The following CTNNA2 variants were observed in gnomAD, a reference collection of about 807,000 sequenced individuals.
CTNNA2 encodes the protein catenin alpha 2.
A neutral mutation model predicts 101.0 loss-of-function variants in CTNNA2; 42 were observed. The observed-to-expected ratio is 0.42, with a 90% CI of 0.32 to 0.54. CTNNA2 has a LOEUF of 0.54. CTNNA2 is among the 20% of genes least tolerant of loss of function. The pLI is 0.14. For synonymous variants in CTNNA2, 450 were observed against 456.4 expected (o/e 0.99, Z 0.18); for missense variants, 871 against 1,223.1 (o/e 0.71, Z 4.29).
At chr2:80,419,203 C>T (rs1336510015) in intron 8 of CTNNA2, among the ~76,000 whole-genome samples, 1 of 152,084 alleles carries the variant, frequency 6.6e-6, no homozygotes, top group Non-Finnish European at 1.5e-5. Flanking sequence ...TGGGAGAGGA[C>T]CCATAGTGTG....
intron 2 of CTNNA2, among the ~76,000 whole-genome samples, chr2:79,269,558 T>G (rs565771525): frequency 6.6e-6 from 1 of 152,278 alleles, no homozygotes; most frequent in South Asian, 2.1e-4. Context: ...TTCCTCAGGT[T>G]ATTATTCAAG....
intron 15 of CTNNA2, among the ~76,000 whole-genome samples, chr2:80,601,466 TCCATGGAAATCAGAC>T: frequency 6.8e-6 from 1 of 147,322 alleles, no homozygotes; most frequent in Non-Finnish European, 1.5e-5. Flanking sequence ...CTTTGTTTCT[TCCATGGAAATCAGAC>T]TGTTTTGATT....
chr2:79,486,410 T>A (rs1286558327), intron 4 of CTNNA2, among the ~76,000 whole-genome samples: 14 of 152,162 alleles, frequency 9.2e-5, no homozygotes, highest in Non-Finnish European at 1.3e-4. Context: ...GAACTTATCC[T>A]TTTTTATAGA....
chr2:80,580,417 G>T (rs1695425924), intron 13 of CTNNA2, among the ~76,000 whole-genome samples: 1 of 152,100 alleles, frequency 6.6e-6, no homozygotes, highest in Admixed American at 6.6e-5. Flanking sequence ...TGCTAAATTT[G>T]TAACGTGAAT....
chr2:80,207,049 C>A (rs1013709586), intron 7 of CTNNA2, among the ~76,000 whole-genome samples: 1 of 152,102 alleles, frequency 6.6e-6, no homozygotes, highest in Admixed American at 6.5e-5. Context: ...TGTGACTTTG[C>A]TTACTTATAG....
chr2:79,328,866 T>TCCCTC (rs1676806909), intron 3 of CTNNA2, among the ~76,000 whole-genome samples: 1 of 152,184 alleles, frequency 6.6e-6, no homozygotes, highest in South Asian at 2.1e-4. Flanking sequence ...CTCCAGAGGC[T>TCCCTC]CAAGGGATGT....
At chr2:79,392,977 T>C (rs1678191674) in intron 4 of CTNNA2, among the ~76,000 whole-genome samples, 1 of 152,234 alleles carries the variant, frequency 6.6e-6, no homozygotes, top group East Asian at 1.9e-4. Context: ...TAAATGCAAC[T>C]GGGAAAATCT....
chr2:80,414,357 C>T (rs900881842), intron 8 of CTNNA2, among the ~76,000 whole-genome samples: 10 of 152,194 alleles, frequency 6.6e-5, no homozygotes, highest in African/African-American at 2.4e-4. Context: ...CAACTCTTCA[C>T]CTTTTAATTA....
chr2:79,428,756 G>T (rs1294629993), intron 4 of CTNNA2, among the ~76,000 whole-genome samples: 1 of 151,960 alleles, frequency 6.6e-6, no homozygotes, highest in Non-Finnish European at 1.5e-5. Flanking sequence ...TTTTTAAATG[G>T]GTCAGTAGAT....
chr2:80,133,337 G>A (rs1702514493), intron 7 of CTNNA2, among the ~76,000 whole-genome samples: 1 of 152,158 alleles, frequency 6.6e-6, no homozygotes, highest in Non-Finnish European at 1.5e-5. Context: ...GAACTATGCA[G>A]TAATAAATTT....
upstream of CTNNA2, among the ~76,000 whole-genome samples, chr2:79,508,426 G>A (rs1053961224): frequency 6.6e-6 from 1 of 152,118 alleles, no homozygotes; most frequent in African/African-American, 2.4e-5. Flanking sequence ...AGCAGTCTCG[G>A]CTTTCTCCTA....
chr2:79,425,956 C>G lies in CTNNA2; in HGVS notation c.-135+51943C>G, dbSNP rs371340183. ...TGGACTGACAACAGGCATGTTAGCACAGAAAACACTAATGAGTAGGCTTTT... is the reference window on the plus strand; with the variant it reads ...TGGACTGACAACAGGCATGTTAGCAGAGAAAACACTAATGAGTAGGCTTTT... On this transcript the variant is annotated intron_variant, in intron 4 of 21. Transcript: ENST00000466387. 3.9e-5 allele frequency among the ~76,000 whole-genome samples: 6 copies of G among 152,208 alleles called. No individual in the cohort carries two copies. The East Asian group carries it at 1.2e-3, about 29-fold the overall frequency.
At chr2:80,418,042 G>T (rs377423323) in intron 8 of CTNNA2, among the ~76,000 whole-genome samples, 1 of 151,872 alleles carries the variant, frequency 6.6e-6, no homozygotes, top group Non-Finnish European at 1.5e-5. Flanking sequence ...TCTTCCTTTT[G>T]TCTCTGTTGT....
At chr2:79,364,007 A>G (rs1296622984) in intron 3 of CTNNA2, among the ~76,000 whole-genome samples, 4 of 152,178 alleles carry the variant, frequency 2.6e-5, no homozygotes, top group Admixed American at 1.3e-4. Flanking sequence ...TGAGCTGGAG[A>G]AAAGGCATTA....
chr2:80,245,869 A>G (rs1292033834), intron 7 of CTNNA2, among the ~76,000 whole-genome samples: 1 of 120,818 alleles, frequency 8.3e-6, no homozygotes, highest in African/African-American at 3.3e-5. Context: ...ATCTCGGCTC[A>G]CTGCAAGCTC....
At chr2:79,855,553 G>T (rs1681064637) in intron 3 of CTNNA2, among the ~76,000 whole-genome samples, 1 of 152,122 alleles carries the variant, frequency 6.6e-6, no homozygotes. Context: ...AAATATATTG[G>T]ATTAGGCATG....
chr2:80,541,664 T>C (rs1221704736), intron 9 of CTNNA2, among the ~76,000 whole-genome samples: 1 of 151,870 alleles, frequency 6.6e-6, no homozygotes, highest in African/African-American at 2.4e-5. Context: ...TCAGCATAAG[T>C]GGGAAGCTCT....
In CTNNA2 at chr2:80,068,026, T is replaced by C. The variant is rs1006734510; in HGVS notation, c.1056+158229T>C. 2.6e-5 allele frequency among the ~76,000 whole-genome samples: 4 copies of C among 152,334 alleles called. No individual in the cohort carries two copies. The South Asian group carries it at 6.2e-4, about 24-fold the overall frequency. ...TCTGATCCACAGAAACTATGAGAGA[T>C]AGTAAACATTTGTTGTTTCTTCAAG... On this transcript the variant is annotated intron_variant, in intron 7 of 18. Coordinates refer to ENST00000402739, the MANE Select transcript of CTNNA2 (RefSeq NM_001282597.3).
Position 79,415,629 on chromosome 2 carries a change from T to C in CTNNA2, c.-135+41616T>C, listed in dbSNP as rs1678470946. ...GTGGGAAAATGCTTAAGGAATACTA[T>C]GTGGGAAAATGGGCAATAGTGGGCT... On this transcript the variant is annotated intron_variant, in intron 4 of 21. Transcript: ENST00000466387. Among the ~76,000 whole-genome samples the C allele has an allele frequency of 3.3e-5, 5 of 152,102 alleles. No homozygotes were observed. The South Asian group carries it at 8.3e-4, about 25-fold the overall frequency.
Sources: allele counts gnomAD v4.1 joint callset (sites outside exome capture counted in the v4.1 genomes callset), GRCh38; gene constraint gnomAD v4.1.1; transcripts MANE v1.5; gene names NCBI Gene and HGNC (gene_info 2026-07-23, HGNC 2026-07-21).